CBR4: variants seen among roughly 807,000 people sequenced by gnomAD.
CBR4 encodes carbonyl reductase 4.
Under a neutral mutation model 21.0 loss-of-function variants are expected in CBR4, and 22 were observed. The observed-to-expected ratio is 1.05, with a 90% CI of 0.75 to 1.50. The LOEUF is 1.50. Ranked by LOEUF, CBR4 falls within the 40% of genes most tolerant of loss-of-function variation. The pLI is 0.00. For missense variants in CBR4, 302 were observed against 286.3 expected, an observed-to-expected ratio of 1.05 and a Z score of -0.40; for synonymous variants, 100 against 104.4, an observed-to-expected ratio of 0.96 and a Z score of 0.26.
At chr4:168,961,940 CAGGAGAGGAGAGGAGAGGAGAGGAG>C (rs11267211) in intron 2 of CBR4, among the ~76,000 whole-genome samples, 94,694 of 133,592 alleles carry the variant, frequency 0.71, 34,657 homozygotes, top group East Asian at 0.96. Context: ...GAGGAGAGCA[CAGGAGAGGAGAGGAGAGGAGAGGAG>C]AGGAGAGGAG....
chr4:168,899,207 C>T (rs574310192), intron 2 of CBR4, among the ~76,000 whole-genome samples: 6 of 152,038 alleles, frequency 3.9e-5, no homozygotes, highest in African/African-American at 4.8e-5. Flanking sequence ...TTGTTTAGAA[C>T]GGATAATGAC....
intron 2 of CBR4, among the ~76,000 whole-genome samples, chr4:168,931,610 G>A (rs1762971563): frequency 6.6e-6 from 1 of 151,336 alleles, no homozygotes; most frequent in Non-Finnish European, 1.5e-5. Context: ...CCCACCTCTG[G>A]CAGACACACC....
Position 168,987,773 on chromosome 4 carries a change from G to GAGGA in CBR4, c.*2376_*2377insTCCT, listed in dbSNP as rs1395697152. On this transcript the variant is annotated 3_prime_UTR_variant, in exon 5 of 5. Transcript: ENST00000306193. ...TCTTTATTCTGAATAACAGAAGCAC[G>GAGGA]TAAATTAAATTATCCTCTTTGCACA... 1.0e-6 allele frequency: 1 copy of GAGGA among 984,536 alleles called. No homozygotes were observed. The highest frequency in any genetic ancestry group is 1.1e-4 in the East Asian group (1 of 8,820). The allele number at this position is 984,536 out of a possible 1,614,324, so 61.0% of individuals were successfully genotyped here.
At chr4:168,947,524 ATT>A (rs1339855463) in intron 2 of CBR4, among the ~76,000 whole-genome samples, 1 of 152,012 alleles carries the variant, frequency 6.6e-6, no homozygotes, top group Non-Finnish European at 1.5e-5. Flanking sequence ...GTAATCGTTT[ATT>A]CCTCACCCCT....
At position 168,988,770 on chromosome 4, in the gene CBR4, A is replaced by T; in HGVS notation, c.*1380T>A. ...TCTAAGAAAACTATTTCAAAGATAA[A>T]TTTAAAATAATTTTTAAGGAACCCA... On this transcript the variant is annotated 3_prime_UTR_variant, in exon 5 of 5. Transcript: ENST00000306193. The T allele has an allele frequency of 3.1e-6, 3 of 957,482 alleles. No individual in the cohort carries two copies. The highest frequency in any genetic ancestry group is 1.2e-6 in the Non-Finnish European group (1 of 804,478). The allele number at this position is 957,482 out of a possible 1,614,324, so 59.3% of individuals were successfully genotyped here.
chr4:169,009,531 G>A (rs1280815102), intron 1 of CBR4, among the ~76,000 whole-genome samples: 2 of 152,194 alleles, frequency 1.3e-5, no homozygotes, highest in African/African-American at 4.8e-5. Flanking sequence ...TTTCCTGCCT[G>A]AACTCCTTTC....
chr4:169,006,237 G>C (rs1730902558), intron 3 of CBR4, among the ~76,000 whole-genome samples: 1 of 152,072 alleles, frequency 6.6e-6, no homozygotes, highest in Admixed American at 6.5e-5. Flanking sequence ...GTTCCTGGCT[G>C]GGCACGTGGC....
chr4:168,949,851 A>G (rs1193454310), intron 2 of CBR4, among the ~76,000 whole-genome samples: 2 of 151,796 alleles, frequency 1.3e-5, no homozygotes, highest in Non-Finnish European at 2.9e-5. Flanking sequence ...GGAGGGTTGT[A>G]TTTTTCTAGG....
chr4:169,007,667 T>C lies in CBR4; in HGVS notation c.232A>G (p.Asn78Asp). The change falls in exon 2 of 5, where the codon AAT becomes GAT. Residue 78 changes from asparagine (N) to aspartate (D), a missense_variant. Asn to Asp is a conservative substitution (Grantham distance 23). Coordinates refer to ENST00000306193, the MANE Select transcript of CBR4 (RefSeq NM_032783.5). Reference protein sequence around the residue: ...EELEKHLGRVNFLVNAAGINR... With the variant: ...EELEKHLGRVDFLVNAAGINR... ...ATACCAGCTGCATTTACCAAGAAAT[T>C]TACTCGACCTAAATGTTTCTCCAGC... 3 of 1,587,548 alleles carry C rather than the reference T, an allele frequency of 1.9e-6. No homozygotes were observed. Among genetic ancestry groups the C allele is most frequent in the Non-Finnish European group, 2.6e-6 (3 of 1,169,014 alleles).
Position 169,010,171 on chromosome 4 carries a change from G to A in CBR4, c.-82C>T, listed in dbSNP as rs1282827093. ...TCCCTCAGGCTTTTAAACAACCGCG[G>A]TTCCAAAAAAAAAAAAAAGAAAAAA... On this transcript the variant is annotated 5_prime_UTR_variant, in exon 1 of 5. Transcript: ENST00000306193. The A allele has an allele frequency of 2.0e-6, 2 of 1,021,518 alleles. No homozygotes were observed. Among genetic ancestry groups the A allele is most frequent in the Non-Finnish European group, 2.5e-6 (2 of 802,854 alleles). The allele number at this position is 1,021,518 out of a possible 1,614,324, so 63.3% of individuals were successfully genotyped here.
At chr4:168,966,309 C>T (rs527762052) in intron 2 of CBR4, among the ~76,000 whole-genome samples, 36 of 129,138 alleles carry the variant, frequency 2.8e-4, no homozygotes, top group African/African-American at 9.9e-4. Flanking sequence ...GTCAGGAGAT[C>T]AAGACCATCC....
intron 2 of CBR4, among the ~76,000 whole-genome samples, chr4:168,950,424 A>AT (rs1343923803): frequency 3.3e-5 from 5 of 152,106 alleles, no homozygotes; most frequent in African/African-American, 1.2e-4. Flanking sequence ...TTTGGAGTTG[A>AT]TTTACAGTTT....
chr4:168,956,629 A>C (rs1185411216), intron 2 of CBR4, among the ~76,000 whole-genome samples: 1 of 134,358 alleles, frequency 7.4e-6, no homozygotes, highest in Non-Finnish European at 1.6e-5. Flanking sequence ...AAAAAAAAAC[A>C]GAATGGAAAT....
At chr4:168,925,054 T>C (rs1426943138) in intron 2 of CBR4, 1 of 1,614,118 alleles carries the variant, frequency 6.2e-7, no homozygotes, top group Non-Finnish European at 8.5e-7. Flanking sequence ...GATTGTGTCC[T>C]GTACTGCCAG....
At chr4:168,901,285 T>C (rs1178402529) in intron 2 of CBR4, among the ~76,000 whole-genome samples, 1 of 152,214 alleles carries the variant, frequency 6.6e-6, no homozygotes, top group African/African-American at 2.4e-5. Context: ...AATATTTTAT[T>C]CCTCCCTTGA....
At chr4:168,983,484 A>T (rs1247688112), downstream of CBR4, among the ~76,000 whole-genome samples, 1 of 152,122 alleles carries the variant, frequency 6.6e-6, no homozygotes, top group Admixed American at 6.5e-5. Context: ...TACGAGATGT[A>T]AAAAGAACTG....
chr4:168,936,427 A>G lies in CBR4; in HGVS notation n.170-41662T>C, dbSNP rs183380572. Reference sequence around the variant, plus strand: ...AGCAAGGGAACAAAACTGGACAGAGAATGAGTTTGACGAACTGACAGAAGT... The same window carrying G: ...AGCAAGGGAACAAAACTGGACAGAGGATGAGTTTGACGAACTGACAGAAGT... On this transcript the variant is annotated intron_variant and non_coding_transcript_variant, in intron 2 of 3. Coordinates refer to the CBR4 transcript ENST00000509108. 4.6e-5 allele frequency among the ~76,000 whole-genome samples: 7 copies of G among 152,298 alleles called. No homozygotes were observed. In the East Asian group the frequency reaches 1.4e-3, roughly 29 times the overall value.
rs567679466 is a variant in CBR4 at position 168,966,454 on chromosome 4, G to A, written n.169+35617C>T. Among the ~76,000 whole-genome samples, 40 of 151,896 alleles carry A rather than the reference G, an allele frequency of 2.6e-4. No individual in the cohort carries two copies. The South Asian group carries it at 7.5e-3, about 28-fold the overall frequency. ...AGGCAGGAGAATGGTGTGAACCCGG[G>A]AGGTGGAGCTTGCAGTGAGCCGAGA... On this transcript the variant is annotated intron_variant and non_coding_transcript_variant, in intron 2 of 3. Transcript: ENST00000509108.
chr4:168,930,272 C>T (rs558340521), intron 2 of CBR4, among the ~76,000 whole-genome samples: 1 of 151,944 alleles, frequency 6.6e-6, no homozygotes, highest in Non-Finnish European at 1.5e-5. Context: ...GAAGATTTAC[C>T]AGAGGGTCAA....
Sources: allele counts gnomAD v4.1 joint callset (sites outside exome capture counted in the v4.1 genomes callset), GRCh38; gene constraint gnomAD v4.1.1; transcripts MANE v1.5; gene names NCBI Gene and HGNC (gene_info 2026-07-23, HGNC 2026-07-21).